ADAMTSL1: variants seen among roughly 807,000 people sequenced by gnomAD.
The protein encoded by ADAMTSL1 is ADAMTS-like protein 1.
In ADAMTSL1, 126 loss-of-function variants were observed where a neutral mutation model predicts 201.8. The observed-to-expected ratio is 0.62, with a 90% CI of 0.54 to 0.72. ADAMTSL1 has a LOEUF of 0.72. ADAMTSL1 is among the 30% of genes least tolerant of loss of function. The pLI is 0.00. For missense variants in ADAMTSL1, 2,679 were observed against 2,277.8 expected (o/e 1.18, Z -3.59); for synonymous variants, 1,121 against 903.4 (o/e 1.24, Z -4.32).
At chr9:18,299,699 G>C (rs1043398515) in intron 2 of ADAMTSL1, among the ~76,000 whole-genome samples, 3 of 152,230 alleles carry the variant, frequency 2.0e-5, no homozygotes, top group Non-Finnish European at 4.4e-5. Flanking sequence ...GAGAGCCTGG[G>C]CGAGAGTCTC....
At chr9:18,387,358 GCCTTGCTATATTTCATCCCCTTCCT>G (rs1837842494) in intron 2 of ADAMTSL1, among the ~76,000 whole-genome samples, 1 of 151,562 alleles carries the variant, frequency 6.6e-6, no homozygotes, top group African/African-American at 2.4e-5. Context: ...CTCCTATACA[GCCTTGCTATATTTCATCCCCTTCCT>G]TCCTCCTATG....
intron 3 of ADAMTSL1, among the ~76,000 whole-genome samples, chr9:18,563,108 A>G (rs1821639740): frequency 6.6e-6 from 1 of 151,942 alleles, no homozygotes; most frequent in Non-Finnish European, 1.5e-5. Context: ...GGTTTTTGGA[A>G]TTTTCAGCCT....
intron 1 of ADAMTSL1, among the ~76,000 whole-genome samples, chr9:17,926,358 A>G (rs1175571947): frequency 6.6e-6 from 1 of 152,118 alleles, no homozygotes; most frequent in African/African-American, 2.4e-5. Flanking sequence ...AACCCCCAAA[A>G]CACGATGGTT....
intron 1 of ADAMTSL1, among the ~76,000 whole-genome samples, chr9:18,017,465 C>G (rs988516336): frequency 6.6e-6 from 1 of 151,916 alleles, no homozygotes; most frequent in African/African-American, 2.4e-5. Context: ...ATTATGTTGA[C>G]ACCTTACAGG....
intron 1 of ADAMTSL1, among the ~76,000 whole-genome samples, chr9:18,084,890 G>T (rs1055773265): frequency 6.6e-6 from 1 of 152,116 alleles, no homozygotes. Flanking sequence ...TAAGCATTAG[G>T]GATAAAAATA....
Position 18,411,263 on chromosome 9 carries a change from C to G in ADAMTSL1, c.208-93566C>G, listed in dbSNP as rs868799344. On this transcript the variant is annotated intron_variant, in intron 2 of 29. Coordinates refer to the ADAMTSL1 transcript ENST00000680146. ...CCAGGTTGGAGTGCAATGGTGCAAT[C>G]TCGACTCACTGCAGCATTCACATCC... Among the ~76,000 whole-genome samples the G allele has an allele frequency of 4.6e-5, 7 of 151,864 alleles. 1 individual carries two copies. In the Middle Eastern group the frequency reaches 0.01, roughly 221 times the overall value.
At chr9:17,989,900 C>G (rs1819082132) in intron 1 of ADAMTSL1, among the ~76,000 whole-genome samples, 1 of 149,364 alleles carries the variant, frequency 6.7e-6, no homozygotes, top group Non-Finnish European at 1.5e-5. Flanking sequence ...GGTTTTGATA[C>G]AAGGTCATTG....
intron 13 of ADAMTSL1, among the ~76,000 whole-genome samples, chr9:18,693,968 A>G (rs1411443076): frequency 6.6e-6 from 1 of 152,194 alleles, no homozygotes; most frequent in Non-Finnish European, 1.5e-5. Flanking sequence ...ACAGTTCCAC[A>G]GGCTGTGCAG....
chr9:18,180,076 C>G (rs1199632044), intron 2 of ADAMTSL1, among the ~76,000 whole-genome samples: 2 of 152,120 alleles, frequency 1.3e-5, no homozygotes, highest in Non-Finnish European at 2.9e-5. Flanking sequence ...AAGACACAGA[C>G]TGGCAAATTG....
intron 2 of ADAMTSL1, among the ~76,000 whole-genome samples, chr9:18,371,996 T>G (rs1431658407): frequency 1.3e-5 from 2 of 152,208 alleles, no homozygotes; most frequent in Admixed American, 6.5e-5. Context: ...TATTATAAAA[T>G]AAATTTTGCA....
chr9:18,353,341 T>C (rs920398916), intron 2 of ADAMTSL1, among the ~76,000 whole-genome samples: 1 of 152,208 alleles, frequency 6.6e-6, no homozygotes, highest in Non-Finnish European at 1.5e-5. Context: ...AAATCAACCT[T>C]AAACCTGGAC....
At chr9:18,770,835 A>AC in intron 17 of ADAMTSL1, 54 bp downstream of exon 17, 1 of 1,555,844 alleles carries the variant, frequency 6.4e-7, no homozygotes, top group Non-Finnish European at 8.8e-7. Context: ...AAAAGAAGGC[A>AC]CCCCAGACAT....
chr9:18,514,763 T>C (rs559837106), intron 2 of ADAMTSL1, among the ~76,000 whole-genome samples: 21 of 152,352 alleles, frequency 1.4e-4, no homozygotes, highest in African/African-American at 5.0e-4. Context: ...TCTTCCTTTC[T>C]TTTTTGGATG....
At chr9:18,137,810 T>A (rs1215386359) in intron 1 of ADAMTSL1, among the ~76,000 whole-genome samples, 1 of 152,196 alleles carries the variant, frequency 6.6e-6, no homozygotes, top group Non-Finnish European at 1.5e-5. Context: ...AAACACTGTA[T>A]TCTAGGGTGC....
intron 2 of ADAMTSL1, among the ~76,000 whole-genome samples, chr9:18,239,370 A>G (rs1037145308): frequency 2.0e-5 from 3 of 152,194 alleles, no homozygotes; most frequent in Admixed American, 6.5e-5. Context: ...AAATTTATGG[A>G]AATATTTTAA....
intron 2 of ADAMTSL1, among the ~76,000 whole-genome samples, chr9:18,273,719 A>G (rs993309774): frequency 6.6e-6 from 1 of 152,180 alleles, no homozygotes; most frequent in African/African-American, 2.4e-5. Flanking sequence ...CATTTCACTC[A>G]CAATGCCAAC....
At chr9:18,777,961 C>T in intron 19 of ADAMTSL1, 55 bp downstream of exon 19, 1 of 1,510,170 alleles carries the variant, frequency 6.6e-7, no homozygotes, top group Non-Finnish European at 8.9e-7. Context: ...CACATCTGGC[C>T]CAAGTCACAC....
chr9:18,131,418 G>T (rs16936354), intron 1 of ADAMTSL1, among the ~76,000 whole-genome samples: 523 of 152,256 alleles, frequency 3.4e-3, no homozygotes, highest in Non-Finnish European at 5.6e-3. Flanking sequence ...GAGTGCTGCA[G>T]GGTCCTGAGG....
chr9:17,995,110 G>C (rs1819318079), intron 1 of ADAMTSL1, among the ~76,000 whole-genome samples: 1 of 152,120 alleles, frequency 6.6e-6, no homozygotes, highest in Admixed American at 6.6e-5. Context: ...CAGAGAATGG[G>C]AGGCAGAAGT....
Sources: gnomAD v4.1 joint callset for allele counts (sites outside exome capture counted in the v4.1 genomes callset) on GRCh38, gnomAD v4.1.1 for gene constraint, MANE v1.5 for transcripts, NCBI Gene and HGNC (gene_info 2026-07-23, HGNC 2026-07-21) for gene names.